The following CNTNAP2 variants were observed in gnomAD, a reference collection of about 807,000 sequenced individuals.
CNTNAP2 encodes the protein contactin associated protein 2, also known as contactin-associated protein-like 2.
Under a neutral mutation model 155.2 loss-of-function variants are expected in CNTNAP2, and 98 were observed. The observed-to-expected ratio is 0.63, with a 90% CI of 0.54 to 0.75. The LOEUF is 0.75. Ranked by LOEUF, CNTNAP2 falls within the 30% of genes least tolerant of loss-of-function variation. The pLI is 0.00. For missense variants in CNTNAP2, 1,727 were observed against 1,688.1 expected (o/e 1.02, Z -0.40); for synonymous variants, 651 against 631.2 (o/e 1.03, Z -0.47).
At chr7:146,733,558 CATATT>C (rs1310632506) in intron 1 of CNTNAP2, among the ~76,000 whole-genome samples, 5 of 152,044 alleles carry the variant, frequency 3.3e-5, no homozygotes, top group East Asian at 1.9e-4. Context: ...AGTACAGTCT[CATATT>C]ATAATAAGAT....
intron 1 of CNTNAP2, among the ~76,000 whole-genome samples, chr7:146,305,909 A>C (rs1015095773): frequency 1.3e-5 from 2 of 152,174 alleles, no homozygotes; most frequent in Non-Finnish European, 2.9e-5. Flanking sequence ...AGCAGAACTG[A>C]AGGAGATAGA....
Position 147,317,155 on chromosome 7 carries a change from A to G in CNTNAP2, c.1498+16865A>G, listed in dbSNP as rs556573841. On this transcript the variant is annotated intron_variant, in intron 9 of 23. Transcript: ENST00000361727. The stretch of plus-strand genomic sequence containing the variant: ...TCTGCCTCTCAGCTGTTTCACTGCC[A>G]CTGTGATAAACCAGACTACCATATT... 3.3e-5 allele frequency among the ~76,000 whole-genome samples: 5 copies of G among 152,314 alleles called. No homozygotes were observed. The South Asian group carries it at 1.0e-3, about 32-fold the overall frequency.
At position 147,764,158 on chromosome 7, in the gene CNTNAP2, G is replaced by A. The variant is rs562713439; in HGVS notation, c.2098+124852G>A. On this transcript the variant is annotated intron_variant, in intron 13 of 23. Coordinates refer to ENST00000361727, the MANE Select transcript of CNTNAP2 (RefSeq NM_014141.6). ...TGGGTTATTTTCTTAGGTACTTGGT[G>A]TCTTGCCCTACACCATAGCTCACAG... 4.6e-5 allele frequency among the ~76,000 whole-genome samples: 7 copies of A among 152,190 alleles called. No individual in the cohort carries two copies. In the East Asian group the frequency reaches 1.4e-3, roughly 30 times the overall value.
chr7:146,221,337 G>A (rs976770452), intron 1 of CNTNAP2, among the ~76,000 whole-genome samples: 8 of 151,882 alleles, frequency 5.3e-5, no homozygotes, highest in African/African-American at 9.7e-5. Context: ...AATTTATACA[G>A]AAGGATATAC....
chr7:147,704,808 A>G (rs1009315949), intron 13 of CNTNAP2, among the ~76,000 whole-genome samples: 1 of 152,166 alleles, frequency 6.6e-6, no homozygotes, highest in Admixed American at 6.6e-5. Context: ...CAATCTTGAT[A>G]GGTTGTGTCC....
intron 1 of CNTNAP2, among the ~76,000 whole-genome samples, chr7:146,470,625 A>G (rs1796783890): frequency 6.6e-6 from 1 of 152,104 alleles, no homozygotes; most frequent in Admixed American, 6.5e-5. Context: ...GCTGGAGTAC[A>G]GTGGCACAGT....
At chr7:147,125,132 G>A (rs898650010) in intron 6 of CNTNAP2, among the ~76,000 whole-genome samples, 1 of 151,404 alleles carries the variant, frequency 6.6e-6, no homozygotes, top group Non-Finnish European at 1.5e-5. Flanking sequence ...CACCCACCTC[G>A]GCCTCCCAAA....
intron 1 of CNTNAP2, among the ~76,000 whole-genome samples, chr7:146,408,654 A>G (rs1283724811): frequency 6.6e-6 from 1 of 151,482 alleles, no homozygotes; most frequent in African/African-American, 2.4e-5. Flanking sequence ...GGATAGCATT[A>G]GGAGATATAC....
chr7:146,962,273 A>G (rs1797570842), intron 3 of CNTNAP2, among the ~76,000 whole-genome samples: 1 of 152,194 alleles, frequency 6.6e-6, no homozygotes, highest in Admixed American at 6.5e-5. Context: ...GAGCAACTGT[A>G]GAGCTGTGTT....
In CNTNAP2 at chr7:147,625,148, A is replaced by T. The variant is rs10269290; in HGVS notation, c.1898-13958A>T. Among the ~76,000 whole-genome samples, 278 of 152,184 alleles carry T rather than the reference A, an allele frequency of 1.8e-3. 1 individual carries two copies. Among genetic ancestry groups the T allele is most frequent in the African/African-American group, 6.4e-3 (266 of 41,478 alleles). On this transcript the variant is annotated intron_variant, in intron 12 of 23. Transcript: ENST00000361727. ...TTGCAGGGGGAAGTGGGGATGGTTAATAAGTACAAAAAATAGAATAGTAAG... is the reference window on the plus strand; with the variant it reads ...TTGCAGGGGGAAGTGGGGATGGTTATTAAGTACAAAAAATAGAATAGTAAG...
chr7:147,856,773 C>T (rs544499425), intron 13 of CNTNAP2, among the ~76,000 whole-genome samples: 96 of 152,042 alleles, frequency 6.3e-4, no homozygotes, highest in Non-Finnish European at 1.1e-3. Flanking sequence ...AGCTAAAATT[C>T]CAGGAATAAT....
At chr7:146,909,022 C>CTACAAATACTACAAATACTACT (rs1179834575) in intron 3 of CNTNAP2, among the ~76,000 whole-genome samples, 1 of 151,056 alleles carries the variant, frequency 6.6e-6, no homozygotes, top group Non-Finnish European at 1.5e-5. Flanking sequence ...ATACTACAAA[C>CTACAAATACTACAAATACTACT]ACCTCTACGC....
At chr7:147,447,398 A>C (rs207468767) in intron 10 of CNTNAP2, among the ~76,000 whole-genome samples, 2 of 152,118 alleles carry the variant, frequency 1.3e-5, no homozygotes, top group African/African-American at 4.8e-5. Flanking sequence ...TTAAGGTTAT[A>C]GTATTTGGGG....
intron 2 of CNTNAP2, among the ~76,000 whole-genome samples, chr7:146,802,681 C>G (rs566285772): frequency 6.6e-6 from 1 of 152,146 alleles, no homozygotes; most frequent in African/African-American, 2.4e-5. Context: ...TTCCTGAGGC[C>G]TCCCAGCCCT....
At chr7:147,182,479 C>G (rs1391887631) in intron 8 of CNTNAP2, among the ~76,000 whole-genome samples, 1 of 152,062 alleles carries the variant, frequency 6.6e-6, no homozygotes, top group Non-Finnish European at 1.5e-5. Flanking sequence ...TAACCCTATA[C>G]TAAGCACATT....
intron 11 of CNTNAP2, among the ~76,000 whole-genome samples, chr7:147,495,176 G>A (rs552418649): frequency 3.5e-4 from 53 of 152,284 alleles, no homozygotes; most frequent in African/African-American, 1.3e-3. Context: ...TATGATATGA[G>A]AGAAAAACAA....
At chr7:147,603,555 C>T (rs1009352027) in intron 12 of CNTNAP2, among the ~76,000 whole-genome samples, 2 of 152,136 alleles carry the variant, frequency 1.3e-5, no homozygotes, top group African/African-American at 4.8e-5. Context: ...CAAACCACTG[C>T]TCAATGAAAT....
chr7:146,119,504 G>A (rs141300289), intron 1 of CNTNAP2, among the ~76,000 whole-genome samples: 266 of 152,242 alleles, frequency 1.7e-3, no homozygotes, highest in African/African-American at 6.2e-3. Flanking sequence ...ATGAACTGCT[G>A]CTGAGCTGAT....
intron 21 of CNTNAP2, among the ~76,000 whole-genome samples, chr7:148,319,950 AG>A (rs145804989): frequency 0.049 from 7,483 of 152,186 alleles, 270 homozygotes; most frequent in African/African-American, 0.091. Context: ...TCCACGGAAA[AG>A]CTGTCTTCTG....
Sources: allele counts gnomAD v4.1 joint callset (sites outside exome capture counted in the v4.1 genomes callset), GRCh38; gene constraint gnomAD v4.1.1; transcripts MANE v1.5; gene names NCBI Gene and HGNC (gene_info 2026-07-23, HGNC 2026-07-21).